NCAPG: variants seen among roughly 807,000 people sequenced by gnomAD.
NCAPG encodes non-SMC condensin I complex subunit G.
Under a neutral mutation model 113.1 loss-of-function variants are expected in NCAPG, and 69 were observed. The ratio of observed to expected loss-of-function variants is 0.61; its 90% CI spans 0.50 to 0.75. The LOEUF (loss-of-function observed/expected upper bound fraction) is 0.75. Ranked by LOEUF, NCAPG falls within the 30% of genes least tolerant of loss-of-function variation. The pLI is 0.00. For synonymous variants in NCAPG, 370 were observed against 415.8 expected, an observed-to-expected ratio of 0.89 and a Z score of 1.34; for missense variants, 1,058 against 1,177.0, an observed-to-expected ratio of 0.90 and a Z score of 1.48.
At chr4:17,842,436 A>G (rs1441763046) in intron 20 of NCAPG, 57 bp downstream of exon 20, 1 of 1,423,322 alleles carries the variant, frequency 7.0e-7, no homozygotes, top group Non-Finnish European at 9.8e-7. Context: ...TATTTCTACA[A>G]GTAGAAAAAA....
chr4:17,843,340 TGA>T lies in NCAPG; in HGVS notation c.2966_2967del (p.Arg989ThrfsTer14), dbSNP rs1453242717. The T allele has an allele frequency of 6.2e-7, 1 of 1,611,892 alleles. No homozygotes were observed. The highest frequency in any genetic ancestry group is 1.7e-5 in the Admixed American group (1 of 59,932). On this transcript the variant is annotated frameshift_variant, in exon 21 of 21. Coordinates refer to ENST00000251496, the MANE Select transcript of NCAPG (RefSeq NM_022346.5). LOFTEE classifies it high-confidence loss of function. ...CCAGAACCAGAATCAGAAATGAAGA[TGA>T]GACTACCAAGACGAGCCAAAACCGC...
At chr4:17,825,602 A>G in intron 11 of NCAPG, 41 bp downstream of exon 11, 1 of 1,496,376 alleles carries the variant, frequency 6.7e-7, no homozygotes, top group East Asian at 2.3e-5. Flanking sequence ...AGGTGTTATT[A>G]ATCATCTCAA....
chr4:17,811,286 C>T lies in NCAPG; in HGVS notation c.111+98C>T. ...CCTCGGGCTCGGCGCACCGTGACTCCAGCCTTGTTCACCTTCGCGACTCAC... is the reference window on the plus strand; with the variant it reads ...CCTCGGGCTCGGCGCACCGTGACTCTAGCCTTGTTCACCTTCGCGACTCAC... On this transcript the variant is annotated intron_variant, in intron 1 of 20. Transcript: ENST00000251496. This position sits in a 1 kb window ranked among gnomAD's most constrained non-coding sequence, Gnocchi z 5.3. The T allele has an allele frequency of 1.5e-6, 1 of 662,548 alleles. No individual in the cohort carries two copies. The highest frequency in any genetic ancestry group is 2.4e-6 in the Non-Finnish European group (1 of 413,430). 41.0% of individuals were successfully genotyped at this position (662,548 alleles called of 1,614,324 possible).
chr4:17,822,858 A>G (rs1157446941), intron 7 of NCAPG, 125 bp from the exon 8 acceptor site: 2 of 604,726 alleles, frequency 3.3e-6, no homozygotes, highest in Non-Finnish European at 2.6e-6. Context: ...ACCAAATTAC[A>G]TGGCATAGAT....
intron 2 of NCAPG, among the ~76,000 whole-genome samples, chr4:17,812,686 C>T (rs929285385): frequency 5.3e-5 from 8 of 152,120 alleles, no homozygotes; most frequent in Non-Finnish European, 4.4e-5. Flanking sequence ...GAAGCCTCTA[C>T]AAAGAGGACT....
At chr4:17,812,199 A>G in intron 1 of NCAPG, 22 bp from the exon 2 acceptor site, 1 of 1,595,878 alleles carries the variant, frequency 6.3e-7, no homozygotes. Flanking sequence ...GCAGTTTATG[A>G]AGGGTTTCTT....
intron 3 of NCAPG, 66 bp from the exon 4 acceptor site, chr4:17,814,787 G>A (rs1470126047): frequency 3.3e-6 from 5 of 1,496,652 alleles, no homozygotes; most frequent in Non-Finnish European, 4.6e-6. Context: ...CAAAATGTGT[G>A]TTATTTTATG....
At chr4:17,828,824 C>T (rs1393806416) in intron 12 of NCAPG, among the ~76,000 whole-genome samples, 2 of 151,782 alleles carry the variant, frequency 1.3e-5, no homozygotes, top group African/African-American at 4.8e-5. Context: ...CCCATAGGGA[C>T]ACAAGTACTG....
chr4:17,817,664 C>T (rs1319128299), intron 6 of NCAPG, among the ~76,000 whole-genome samples: 1 of 152,108 alleles, frequency 6.6e-6, no homozygotes, highest in African/African-American at 2.4e-5. Context: ...TCTACTTTAG[C>T]TATGCTTTTC....
In NCAPG at chr4:17,812,900, A is replaced by G; in HGVS notation, c.316-17A>G. On this transcript the variant is annotated splice_polypyrimidine_tract_variant and intron_variant, in intron 2 of 20. Transcript: ENST00000251496. ...GGTATGTGACTATGAATAAATTTTG[A>G]TTTGTTTCTGTTTTAGTCTCATGAA... 1 of 1,602,982 alleles carries G rather than the reference A, an allele frequency of 6.2e-7. No individual in the cohort carries two copies.
intron 14 of NCAPG, among the ~76,000 whole-genome samples, chr4:17,836,151 T>C (rs1185956447): frequency 2.0e-5 from 3 of 152,204 alleles, no homozygotes; most frequent in African/African-American, 7.2e-5. Context: ...ACATTATAGC[T>C]ATCCTAGTAT....
At chr4:17,832,447 G>A (rs747469178) in intron 13 of NCAPG, among the ~76,000 whole-genome samples, 2 of 152,176 alleles carry the variant, frequency 1.3e-5, no homozygotes, top group Admixed American at 1.3e-4. Context: ...CAGAATAACT[G>A]GATGGATGAA....
rs2109078001 is a variant in NCAPG at position 17,843,498 on chromosome 4, G to A, written c.*73G>A. On this transcript the variant is annotated 3_prime_UTR_variant, in exon 21 of 21. Coordinates refer to ENST00000251496, the MANE Select transcript of NCAPG (RefSeq NM_022346.5). ...CTTTAATAAAGAAGAAGTTACCCTT[G>A]TCAAAATCAGAACAAACCTGATGTC... 6.5e-7 allele frequency: 1 copy of A among 1,527,356 alleles called. No homozygotes were observed. The allele number at this position is 1,527,356 out of a possible 1,614,324, so 94.6% of individuals were successfully genotyped here.
At chr4:17,824,274 C>T (rs1721569546) in intron 9 of NCAPG, among the ~76,000 whole-genome samples, 1 of 152,082 alleles carries the variant, frequency 6.6e-6, no homozygotes, top group Non-Finnish European at 1.5e-5. Context: ...TAATTGTTTA[C>T]TATAATACTA....
intron 20 of NCAPG, 130 bp from the exon 21 acceptor site, chr4:17,843,172 C>A: frequency 1.0e-6 from 1 of 987,644 alleles, no homozygotes; most frequent in Non-Finnish European, 1.5e-6. Flanking sequence ...TAGTTTTAAG[C>A]TAAGTCAATG....
chr4:17,825,609 T>A, intron 11 of NCAPG, 48 bp downstream of exon 11: 1 of 1,463,902 alleles, frequency 6.8e-7, no homozygotes, highest in Non-Finnish European at 9.2e-7. Flanking sequence ...ATTAATCATC[T>A]CAACTAAATC....
chr4:17,839,463 A>T lies in NCAPG; in HGVS notation c.2467-213A>T, dbSNP rs139737619. Reference sequence around the variant, plus strand: ...GGATGAGTGCATCTTTCCTAAAGGGAGTGGAACTGGGCCCTATATCACAAC... The same window carrying T: ...GGATGAGTGCATCTTTCCTAAAGGGTGTGGAACTGGGCCCTATATCACAAC... On this transcript the variant is annotated intron_variant, in intron 16 of 20. Coordinates refer to ENST00000251496, the MANE Select transcript of NCAPG (RefSeq NM_022346.5). Among the ~76,000 whole-genome samples, 528 of 152,296 alleles carry T rather than the reference A, an allele frequency of 3.5e-3. 2 individuals carry two copies. The highest frequency in any genetic ancestry group is 7.1e-3 in the Admixed American group (108 of 15,300).
intron 15 of NCAPG, 100 bp from the exon 16 acceptor site, chr4:17,837,527 A>C: frequency 7.3e-7 from 1 of 1,376,272 alleles, no homozygotes; most frequent in Non-Finnish European, 9.9e-7. Flanking sequence ...ATGAAAATGC[A>C]CTTAATGAGT....
chr4:17,829,739 A>T (rs1721790302), intron 12 of NCAPG, among the ~76,000 whole-genome samples: 1 of 152,238 alleles, frequency 6.6e-6, no homozygotes, highest in South Asian at 2.1e-4. Context: ...GGAAAATACA[A>T]ATTATTCATT....
Sources: gnomAD v4.1 joint callset for allele counts (sites outside exome capture counted in the v4.1 genomes callset) on GRCh38, gnomAD v4.1.1 for gene constraint, Gnocchi (gnomAD v3.1) non-coding constraint, MANE v1.5 for transcripts, NCBI Gene and HGNC (gene_info 2026-07-23, HGNC 2026-07-21) for gene names.